The following RIMS2 variants were observed in gnomAD, a reference collection of about 807,000 sequenced individuals.
RIMS2 encodes the protein regulating synaptic membrane exocytosis protein 2.
A neutral mutation model predicts 174.4 loss-of-function variants in RIMS2; 59 were observed. The ratio of observed to expected loss-of-function variants is 0.34; its 90% CI spans 0.27 to 0.42. RIMS2 has a LOEUF of 0.42. Ranked by LOEUF, RIMS2 falls within the 10% of genes least tolerant of loss-of-function variation. The pLI, the probability that RIMS2 is intolerant of heterozygous loss-of-function variation, is 1.00. For synonymous variants in RIMS2, 606 were observed against 572.5 expected (o/e 1.06, Z -0.84); for missense variants, 1,620 against 1,666.3 (o/e 0.97, Z 0.48).
chr8:104,055,098 G>A (rs1048270942), intron 19 of RIMS2, among the ~76,000 whole-genome samples: 5 of 152,010 alleles, frequency 3.3e-5, no homozygotes, highest in African/African-American at 1.2e-4. Flanking sequence ...TTTTAAGAAT[G>A]TACATATTAT....
At chr8:103,534,761 AT>A (rs1275707605) in intron 1 of RIMS2, among the ~76,000 whole-genome samples, 12 of 152,304 alleles carry the variant, frequency 7.9e-5, no homozygotes, top group Admixed American at 5.2e-4. Flanking sequence ...GTATTATTAC[AT>A]TCAATTATTT....
intron 2 of RIMS2, 92 bp downstream of exon 4, chr8:103,697,388 A>G (rs1040245794): frequency 8.7e-6 from 9 of 1,039,260 alleles, no homozygotes; most frequent in Non-Finnish European, 1.4e-5. Context: ...CCCAAATAAT[A>G]TTTTGTTGAA....
chr8:103,837,940 C>CTT (rs34876587), intron 3 of RIMS2, among the ~76,000 whole-genome samples: 5 of 135,730 alleles, frequency 3.7e-5, no homozygotes, highest in East Asian at 2.1e-4. Flanking sequence ...CTTTCTTTCT[C>CTT]TTTTTTTTTT....
At chr8:103,602,695 A>G (rs908987551) in intron 1 of RIMS2, among the ~76,000 whole-genome samples, 6 of 152,224 alleles carry the variant, frequency 3.9e-5, no homozygotes, top group Admixed American at 1.3e-4. Context: ...TTCTTCATAC[A>G]GTGTATCATT....
At chr8:103,877,204 C>T (rs1018068828) in intron 3 of RIMS2, among the ~76,000 whole-genome samples, 1 of 151,526 alleles carries the variant, frequency 6.6e-6, no homozygotes, top group Non-Finnish European at 1.5e-5. Flanking sequence ...TCTACACCAA[C>T]ATTTATTATT....
At chr8:103,698,037 C>A (rs1346166165) in intron 2 of RIMS2, among the ~76,000 whole-genome samples, 2 of 152,152 alleles carry the variant, frequency 1.3e-5, no homozygotes, top group African/African-American at 4.8e-5. Flanking sequence ...CTAATCTTAT[C>A]ACCTACTTAT....
At chr8:103,842,432 A>G (rs2098945751) in intron 3 of RIMS2, among the ~76,000 whole-genome samples, 1 of 152,100 alleles carries the variant, frequency 6.6e-6, no homozygotes, top group South Asian at 2.1e-4. Context: ...ATGAAGATTT[A>G]GTAGATGGCC....
At chr8:104,115,412 A>G (rs1158417796) in intron 19 of RIMS2, among the ~76,000 whole-genome samples, 1 of 151,968 alleles carries the variant, frequency 6.6e-6, no homozygotes, top group Non-Finnish European at 1.5e-5. Flanking sequence ...TTTTTTTACC[A>G]TTTATTATAA....
At chr8:103,814,086 GT>G (rs996413511) in intron 3 of RIMS2, among the ~76,000 whole-genome samples, 24 of 152,084 alleles carry the variant, frequency 1.6e-4, no homozygotes, top group African/African-American at 5.3e-4. Flanking sequence ...ACAAGATTAT[GT>G]TTTTTTGCAG....
At chr8:104,208,425 G>A (rs777827425) in intron 19 of RIMS2, among the ~76,000 whole-genome samples, 4 of 151,850 alleles carry the variant, frequency 2.6e-5, no homozygotes, top group Admixed American at 6.6e-5. Flanking sequence ...AAAATTAGCC[G>A]GGCGCAATGG....
intron 19 of RIMS2, among the ~76,000 whole-genome samples, chr8:104,192,266 T>A: frequency 6.6e-6 from 1 of 152,258 alleles, no homozygotes; most frequent in Non-Finnish European, 1.5e-5. Context: ...TAAAAATGCA[T>A]GCTTTGTGAA....
chr8:104,216,051 T>C (rs1482904238), intron 19 of RIMS2, among the ~76,000 whole-genome samples: 1 of 152,208 alleles, frequency 6.6e-6, no homozygotes, highest in Non-Finnish European at 1.5e-5. Context: ...CAAATAGCAA[T>C]GAATTGCAAA....
intron 3 of RIMS2, chr8:103,880,599 G>T: frequency 2.2e-6 from 1 of 464,226 alleles, no homozygotes. Flanking sequence ...GGGCTAGAAG[G>T]ATTAAATGAA....
chr8:103,787,951 T>C (rs373862321), intron 3 of RIMS2, among the ~76,000 whole-genome samples: 1 of 152,252 alleles, frequency 6.6e-6, no homozygotes, highest in East Asian at 1.9e-4. Context: ...CCCATACTTC[T>C]TGGAGGCTTT....
intron 19 of RIMS2, among the ~76,000 whole-genome samples, chr8:104,070,861 G>T (rs1331774998): frequency 2.0e-5 from 3 of 152,038 alleles, no homozygotes; most frequent in Non-Finnish European, 4.4e-5. Flanking sequence ...AGTAAAGTCT[G>T]TGAAAAAAAT....
intron 19 of RIMS2, among the ~76,000 whole-genome samples, chr8:104,225,257 G>A (rs2099179697): frequency 6.6e-6 from 1 of 152,012 alleles, no homozygotes; most frequent in Non-Finnish European, 1.5e-5. Context: ...TCCGAAATTT[G>A]CCCAGGGTCA....
intron 19 of RIMS2, among the ~76,000 whole-genome samples, chr8:104,112,314 ATGT>A (rs1479391514): frequency 6.6e-6 from 1 of 152,140 alleles, no homozygotes; most frequent in Non-Finnish European, 1.5e-5. Flanking sequence ...ACAAATAATA[ATGT>A]TGATATCTCA....
At chr8:104,202,346 G>A (rs978641640) in intron 19 of RIMS2, among the ~76,000 whole-genome samples, 2 of 152,140 alleles carry the variant, frequency 1.3e-5, no homozygotes, top group Admixed American at 6.5e-5. Context: ...TGTGCAAGAT[G>A]TTTTTTAAAA....
At chr8:104,232,947 G>T (rs2099238694) in intron 19 of RIMS2, among the ~76,000 whole-genome samples, 1 of 150,014 alleles carries the variant, frequency 6.7e-6, no homozygotes, top group Non-Finnish European at 1.5e-5. Flanking sequence ...TATCCACTTT[G>T]TAATATAAAA....
Sources: allele counts gnomAD v4.1 joint callset (sites outside exome capture counted in the v4.1 genomes callset), GRCh38; gene constraint gnomAD v4.1.1; transcripts MANE v1.5; gene names NCBI Gene and HGNC (gene_info 2026-07-23, HGNC 2026-07-21).